The following BAZ2B variants were observed in gnomAD, a reference collection of about 807,000 sequenced individuals.
The protein encoded by BAZ2B is bromodomain adjacent to zinc finger domain 2B.
In BAZ2B, 91 loss-of-function variants were observed where a neutral mutation model predicts 246.0. That is an observed-to-expected ratio of 0.37 (90% CI 0.31 to 0.44). The LOEUF is 0.44. Among genes scored for constraint, BAZ2B ranks in the 20% least tolerant of loss-of-function variants. The pLI is 1.00. For synonymous variants in BAZ2B, 855 were observed against 860.0 expected (o/e 0.99, Z 0.10); for missense variants, 2,332 against 2,533.7 (o/e 0.92, Z 1.71).
chr2:159,505,910 A>G (rs375867174), intron 2 of BAZ2B, among the ~76,000 whole-genome samples: 45 of 152,352 alleles, frequency 3.0e-4, no homozygotes, highest in African/African-American at 1.1e-3. Context: ...GAATAGTTAC[A>G]CATTGGCAAG....
chr2:159,475,030 T>C (rs775358279), intron 3 of BAZ2B, among the ~76,000 whole-genome samples: 1 of 152,148 alleles, frequency 6.6e-6, no homozygotes, highest in Non-Finnish European at 1.5e-5. Context: ...GACGATTCTG[T>C]GTCTTGGGGT....
chr2:159,370,756 A>C (rs894547225), intron 27 of BAZ2B, among the ~76,000 whole-genome samples: 1 of 152,116 alleles, frequency 6.6e-6, no homozygotes, highest in Non-Finnish European at 1.5e-5. Context: ...TTCATTTCAA[A>C]CAACCCCTCC....
chr2:159,330,007 G>A (rs2064440813), intron 34 of BAZ2B, among the ~76,000 whole-genome samples: 1 of 152,122 alleles, frequency 6.6e-6, no homozygotes, highest in African/African-American at 2.4e-5. Flanking sequence ...ATAATTTTAT[G>A]TACATCAGTG....
chr2:159,428,439 A>C lies in BAZ2B; in HGVS notation c.2256-20T>G, dbSNP rs1416043286. 1.3e-6 allele frequency: 2 copies of C among 1,546,328 alleles called. No individual in the cohort carries two copies. Among genetic ancestry groups the C allele is most frequent in the African/African-American group, 2.7e-5 (2 of 72,846 alleles). ...TGCCAGCTACACATAACAGAAATGA[A>C]GGTTATGACATACTTAATTTCAAGA... On this transcript the variant is annotated intron_variant, in intron 11 of 36. Transcript: ENST00000392783.
downstream of BAZ2B, among the ~76,000 whole-genome samples, chr2:159,318,660 C>T (rs954972989): frequency 3.9e-5 from 6 of 152,122 alleles, no homozygotes; most frequent in South Asian, 2.1e-4. Flanking sequence ...CGTTTTTCTT[C>T]TTGACAACTG....
the BAZ2B span, among the ~76,000 whole-genome samples, chr2:159,708,148 C>A: frequency 6.6e-6 from 1 of 152,014 alleles, no homozygotes; most frequent in Middle Eastern, 3.4e-3. Flanking sequence ...AAACAACTAG[C>A]CCCACACTGT....
chr2:159,488,274 T>C (rs1237386060), intron 2 of BAZ2B, among the ~76,000 whole-genome samples: 1 of 152,086 alleles, frequency 6.6e-6, no homozygotes, highest in Non-Finnish European at 1.5e-5. Flanking sequence ...GATTTCACCA[T>C]GTTGCCCAGG....
At chr2:159,325,534 G>T in intron 35 of BAZ2B, 119 bp downstream of exon 35, 2 of 1,101,578 alleles carry the variant, frequency 1.8e-6, no homozygotes, top group Non-Finnish European at 2.6e-6. Context: ...TAACATTTAT[G>T]CTTTACATTT....
intron 25 of BAZ2B, among the ~76,000 whole-genome samples, chr2:159,378,942 G>C (rs563333429): frequency 1.1e-4 from 17 of 152,094 alleles, no homozygotes; most frequent in African/African-American, 2.2e-4. Context: ...CACTATAAAG[G>C]CTCCTCAAAA....
chr2:159,369,125 G>A (rs906241372), intron 27 of BAZ2B, among the ~76,000 whole-genome samples: 3 of 152,030 alleles, frequency 2.0e-5, no homozygotes, highest in African/African-American at 4.8e-5. Context: ...TCAATTTCAC[G>A]TTTATTAAAA....
chr2:159,705,486 T>C, the BAZ2B span, among the ~76,000 whole-genome samples: 3 of 152,230 alleles, frequency 2.0e-5, no homozygotes, highest in Non-Finnish European at 4.4e-5. Flanking sequence ...CCCAGAAATA[T>C]ATTCAGCATA....
intron 6 of BAZ2B, chr2:159,444,707 A>G (rs2073982548): frequency 6.6e-6 from 1 of 152,244 alleles, no homozygotes; most frequent in Admixed American, 6.6e-5. Context: ...GACTACCCAT[A>G]TCTTGCTATT....
At chr2:159,652,211 C>CT in the BAZ2B span, among the ~76,000 whole-genome samples, 189 of 139,032 alleles carry the variant, frequency 1.4e-3, 2 homozygotes, top group African/African-American at 1.9e-3. Flanking sequence ...TTGTTACTCT[C>CT]TTTTTTTTTT....
At chr2:159,622,263 C>CA in the BAZ2B span, among the ~76,000 whole-genome samples, 692 of 64,962 alleles carry the variant, frequency 0.011, 59 homozygotes, top group African/African-American at 0.032. Flanking sequence ...AGTACTGTCT[C>CA]AAAAAAAAAA....
Position 159,541,681 on chromosome 2 carries a change from CCA to C in BAZ2B, c.-3+14140_-3+14141del, listed in dbSNP as rs543288160. On this transcript the variant is annotated intron_variant, in intron 2 of 36. Coordinates refer to ENST00000392783, the MANE Select transcript of BAZ2B (RefSeq NM_013450.4). ...AACTGCAATCCTTGCTCTCTGTACT[CCA>C]GTCATACTGGCTTTTAGTTCTTTCC... is the stretch of plus-strand genomic sequence containing the variant. 2.0e-4 allele frequency among the ~76,000 whole-genome samples: 30 copies of C among 152,294 alleles called. No homozygotes were observed. In the South Asian group the frequency reaches 5.4e-3, roughly 27 times the overall value.
chr2:159,660,409 T>C, the BAZ2B span, among the ~76,000 whole-genome samples: 61 of 152,342 alleles, frequency 4.0e-4, no homozygotes, highest in African/African-American at 1.5e-3. Context: ...ATTATGATGC[T>C]GCATGAACAT....
chr2:159,316,476 G>T (rs1265839515), downstream of BAZ2B, among the ~76,000 whole-genome samples: 7 of 151,674 alleles, frequency 4.6e-5, no homozygotes, highest in South Asian at 6.2e-4. Context: ...CAGATCACGA[G>T]GTCAGGAGAT....
Position 159,405,086 on chromosome 2 carries a change from C to A in BAZ2B, c.2706G>T (p.Lys902Asn). The part of the protein sequence containing the change: ...QEIARQAAQI[K>N]LLRKLQKQEQ... Reference sequence around the variant, plus strand: ...CCTGCTTTTGAAGTTTTCTCAAAAGCTTTATTTGTGCTGCTTGCCTGGCTA... The same window carrying A: ...CCTGCTTTTGAAGTTTTCTCAAAAGATTTATTTGTGCTGCTTGCCTGGCTA... The change falls in exon 15 of 37, where the codon AAG becomes AAT. Residue 902 changes from lysine (K) to asparagine (N), a missense_variant. Lys to Asn is a moderately conservative substitution (Grantham distance 94). Transcript: ENST00000392783. 6.2e-7 allele frequency: 1 copy of A among 1,614,016 alleles called. No individual in the cohort carries two copies. The highest frequency in any genetic ancestry group is 2.2e-5 in the East Asian group (1 of 44,870).
chr2:159,350,948 C>T (rs1169790507), intron 27 of BAZ2B, among the ~76,000 whole-genome samples: 1 of 151,944 alleles, frequency 6.6e-6, no homozygotes, highest in Non-Finnish European at 1.5e-5. Context: ...GGGAGATCTA[C>T]CTAATGCTAG....
Sources: gnomAD v4.1 joint callset for allele counts (sites outside exome capture counted in the v4.1 genomes callset) on GRCh38, gnomAD v4.1.1 for gene constraint, MANE v1.5 for transcripts, NCBI Gene and HGNC (gene_info 2026-07-23, HGNC 2026-07-21) for gene names.